The following LINGO2 variants were observed in gnomAD, a reference collection of about 807,000 sequenced individuals.
LINGO2 encodes the protein leucine rich repeat and Ig domain containing 2.
In LINGO2, 14 loss-of-function variants were observed where a neutral mutation model predicts 30.6. The ratio of observed to expected loss-of-function variants is 0.46; its 90% CI spans 0.30 to 0.72. LINGO2 has a LOEUF of 0.72. LINGO2 is among the 30% of genes least tolerant of loss of function. The pLI, the probability that LINGO2 is intolerant of heterozygous loss-of-function variation, is 0.07. For missense variants in LINGO2, 729 were observed against 751.7 expected (o/e 0.97, Z 0.35); for synonymous variants, 317 against 288.5 (o/e 1.10, Z -1.00).
At chr9:28,313,528 T>C (rs1487112728) in intron 3 of LINGO2, among the ~76,000 whole-genome samples, 1 of 152,170 alleles carries the variant, frequency 6.6e-6, no homozygotes, top group Non-Finnish European at 1.5e-5. Flanking sequence ...TTCTTGAAGT[T>C]CCATGTGTAA....
At chr9:28,188,449 C>T (rs531660796) in intron 4 of LINGO2, among the ~76,000 whole-genome samples, 20 of 152,206 alleles carry the variant, frequency 1.3e-4, no homozygotes, top group East Asian at 9.6e-4. Flanking sequence ...ACCACCTGCA[C>T]GGCAATTACA....
chr9:27,988,248 G>A (rs963859554), intron 5 of LINGO2, among the ~76,000 whole-genome samples: 6 of 151,894 alleles, frequency 4.0e-5, no homozygotes, highest in Non-Finnish European at 7.4e-5. Context: ...CCAGTCTATC[G>A]TTGATGGACA....
chr9:27,992,913 T>C (rs980204815), intron 5 of LINGO2, among the ~76,000 whole-genome samples: 6 of 152,162 alleles, frequency 3.9e-5, no homozygotes, highest in Non-Finnish European at 2.9e-5. Context: ...GAAACTGATG[T>C]GCAGACCAAT....
chr9:28,133,341 T>C (rs1391528163), intron 4 of LINGO2, among the ~76,000 whole-genome samples: 1 of 152,134 alleles, frequency 6.6e-6, no homozygotes, highest in Non-Finnish European at 1.5e-5. Flanking sequence ...CATCAGAAAA[T>C]ATAATTTCAC....
intron 2 of LINGO2, among the ~76,000 whole-genome samples, chr9:28,433,164 A>C (rs534717661): frequency 4.1e-4 from 63 of 152,272 alleles, no homozygotes; most frequent in African/African-American, 1.5e-3. Context: ...TTTCATGGGA[A>C]GGCATCATTG....
chr9:28,556,090 C>T (rs1008003264), intron 1 of LINGO2, among the ~76,000 whole-genome samples: 69 of 152,144 alleles, frequency 4.5e-4, no homozygotes, highest in African/African-American at 1.5e-3. Flanking sequence ...GGGCACAAGA[C>T]AGGGATGCCC....
intron 4 of LINGO2, among the ~76,000 whole-genome samples, chr9:28,055,592 C>T (rs957600899): frequency 5.3e-5 from 8 of 152,254 alleles, no homozygotes; most frequent in Non-Finnish European, 5.9e-5. Context: ...AGTCTAATTT[C>T]TCAAAATGTT....
intron 4 of LINGO2, among the ~76,000 whole-genome samples, chr9:28,119,928 A>G (rs1827044817): frequency 6.6e-6 from 1 of 152,234 alleles, no homozygotes; most frequent in Admixed American, 6.5e-5. Flanking sequence ...TTCACAGGTC[A>G]GACCACAGGT....
At chr9:28,258,790 A>G (rs1169474559) in intron 4 of LINGO2, among the ~76,000 whole-genome samples, 1 of 151,602 alleles carries the variant, frequency 6.6e-6, no homozygotes, top group Admixed American at 6.6e-5. Context: ...CTTGCCAACC[A>G]TATACCATAC....
At chr9:28,278,892 AC>A (rs1254750167) in intron 4 of LINGO2, among the ~76,000 whole-genome samples, 2 of 150,344 alleles carry the variant, frequency 1.3e-5, no homozygotes, top group Non-Finnish European at 3.0e-5. Flanking sequence ...TAAATTGAAA[AC>A]CTCCTGGAAA....
intron 1 of LINGO2, among the ~76,000 whole-genome samples, chr9:28,547,974 G>C (rs1822039784): frequency 6.6e-6 from 1 of 152,004 alleles, no homozygotes; most frequent in Non-Finnish European, 1.5e-5. Flanking sequence ...ATCAGACTCT[G>C]GCTACCTTAT....
chr9:28,021,826 A>T (rs1331652476), intron 4 of LINGO2, among the ~76,000 whole-genome samples: 4 of 150,718 alleles, frequency 2.7e-5, no homozygotes, highest in Non-Finnish European at 4.4e-5. Flanking sequence ...GCACAGTAAA[A>T]TTTTTTCCAT....
the LINGO2 span, among the ~76,000 whole-genome samples, chr9:29,094,544 T>A: frequency 2.2e-5 from 3 of 138,792 alleles, 1 homozygote; most frequent in African/African-American, 8.1e-5. Flanking sequence ...ATCCAGTCCT[T>A]TTTCTATACC....
At chr9:28,837,159 T>C in the LINGO2 span, among the ~76,000 whole-genome samples, 1 of 152,166 alleles carries the variant, frequency 6.6e-6, no homozygotes, top group Non-Finnish European at 1.5e-5. Flanking sequence ...AGCTAGGATA[T>C]AAAAGGATGC....
chr9:29,195,567 G>A, the LINGO2 span, among the ~76,000 whole-genome samples: 1 of 151,952 alleles, frequency 6.6e-6, no homozygotes, highest in South Asian at 2.1e-4. Flanking sequence ...CTCACCAACA[G>A]TGTATTATGT....
chr9:28,566,992 G>C (rs943287737), intron 1 of LINGO2, among the ~76,000 whole-genome samples: 1 of 152,104 alleles, frequency 6.6e-6, no homozygotes, highest in African/African-American at 2.4e-5. Flanking sequence ...TTTAAGTAAT[G>C]TTCAGTAAAT....
chr9:28,152,263 T>C (rs764531884), intron 4 of LINGO2, among the ~76,000 whole-genome samples: 7 of 152,098 alleles, frequency 4.6e-5, no homozygotes, highest in Non-Finnish European at 8.8e-5. Context: ...TGTTAGCTCC[T>C]AAGAAAGCTA....
chr9:28,420,504 T>A (rs961486668), intron 2 of LINGO2, among the ~76,000 whole-genome samples: 13 of 152,158 alleles, frequency 8.5e-5, no homozygotes, highest in South Asian at 6.2e-4. Context: ...ACAAACACAT[T>A]TTTTTCATAT....
intron 5 of LINGO2, among the ~76,000 whole-genome samples, chr9:27,986,827 TG>T (rs1210819420): frequency 6.6e-6 from 1 of 151,522 alleles, no homozygotes; most frequent in Non-Finnish European, 1.5e-5. Context: ...TGGAGAAGGG[TG>T]GGTTATACAG....
Sources: allele counts gnomAD v4.1 joint callset (sites outside exome capture counted in the v4.1 genomes callset), GRCh38; gene constraint gnomAD v4.1.1; transcripts MANE v1.5; gene names NCBI Gene and HGNC (gene_info 2026-07-23, HGNC 2026-07-21).